Variants in RAB27B observed in about 807,000 individuals in gnomAD.
RAB27B encodes ras-related protein Rab-27B.
In RAB27B, 15 loss-of-function variants were observed where a neutral mutation model predicts 24.6. The observed-to-expected ratio is 0.61, with a 90% CI of 0.41 to 0.94. The LOEUF (loss-of-function observed/expected upper bound fraction) is 0.94. RAB27B is among the 40% of genes least tolerant of loss of function. The pLI is 0.00. For synonymous variants in RAB27B, 105 were observed against 92.5 expected, an observed-to-expected ratio of 1.14 and a Z score of -0.78; for missense variants, 261 against 266.8, an observed-to-expected ratio of 0.98 and a Z score of 0.15.
In RAB27B at chr18:54,891,222, C is replaced by T. The variant is rs1480708301; in HGVS notation, c.*1809C>T. ...CAAGGAAATGTCTCTTTATAATGTT[C>T]TTAGGATGGACTAGACCCATAAATG... On this transcript the variant is annotated 3_prime_UTR_variant, in exon 6 of 6. Coordinates refer to ENST00000262094, the MANE Select transcript of RAB27B (RefSeq NM_004163.4). The T allele has an allele frequency of 6.6e-6, 1 of 152,006 alleles. No homozygotes were observed. The highest frequency in any genetic ancestry group is 2.4e-5 in the African/African-American group (1 of 41,396). 9.4% of individuals were successfully genotyped at this position (152,006 alleles called of 1,614,324 possible).
intron 1 of RAB27B, among the ~76,000 whole-genome samples, chr18:54,836,371 A>T (rs889006838): frequency 5.3e-5 from 8 of 151,836 alleles, no homozygotes. Flanking sequence ...AGACTTATGC[A>T]TGAGGCCAGG....
intron 2 of RAB27B, among the ~76,000 whole-genome samples, chr18:54,754,489 G>A (rs1907941643): frequency 6.6e-6 from 1 of 152,114 alleles, no homozygotes; most frequent in Admixed American, 6.6e-5. Context: ...GGAATTCAAG[G>A]CAAATTGCAA....
chr18:54,753,173 A>G (rs547381094), intron 2 of RAB27B, among the ~76,000 whole-genome samples: 1 of 152,300 alleles, frequency 6.6e-6, no homozygotes, highest in Admixed American at 6.5e-5. Context: ...TATTAAATAC[A>G]TTTGGGGGTC....
chr18:54,785,509 A>T (rs1335547350), intron 2 of RAB27B, among the ~76,000 whole-genome samples: 2 of 148,604 alleles, frequency 1.3e-5, no homozygotes, highest in Non-Finnish European at 3.0e-5. Flanking sequence ...CTTTTAAATA[A>T]TTGATTCCCC....
At chr18:54,779,912 A>G (rs1345518269) in intron 2 of RAB27B, among the ~76,000 whole-genome samples, 3 of 82,686 alleles carry the variant, frequency 3.6e-5, no homozygotes, top group South Asian at 3.9e-4. Context: ...CACCCTCTCT[A>G]CCGTCTCCTG....
At chr18:54,729,599 G>T (rs1026238817) in intron 2 of RAB27B, among the ~76,000 whole-genome samples, 3 of 152,140 alleles carry the variant, frequency 2.0e-5, no homozygotes, top group African/African-American at 7.2e-5. Flanking sequence ...TTCAGACTTT[G>T]TTAAGACAAG....
intron 2 of RAB27B, among the ~76,000 whole-genome samples, chr18:54,766,361 T>C (rs1908362230): frequency 6.6e-6 from 1 of 152,202 alleles, no homozygotes; most frequent in Non-Finnish European, 1.5e-5. Flanking sequence ...GGCAGGCATA[T>C]GCAAAGAGCA....
At chr18:54,846,952 G>A (rs2145210825) in intron 1 of RAB27B, among the ~76,000 whole-genome samples, 1 of 152,238 alleles carries the variant, frequency 6.6e-6, no homozygotes, top group Admixed American at 6.5e-5. Flanking sequence ...CTGGGTTCGA[G>A]CGATTCTCCT....
intron 2 of RAB27B, among the ~76,000 whole-genome samples, chr18:54,754,243 C>T (rs1470218683): frequency 2.0e-5 from 3 of 152,224 alleles, no homozygotes; most frequent in Admixed American, 1.3e-4. Flanking sequence ...CTTGTTCTCT[C>T]TCTCGTCACC....
chr18:54,803,240 T>A (rs1441909697), intron 2 of RAB27B, among the ~76,000 whole-genome samples: 1 of 152,090 alleles, frequency 6.6e-6, no homozygotes. Flanking sequence ...GATAAGGCAG[T>A]AGGAAGTCCT....
At chr18:54,861,841 A>G (rs1346864512) in intron 1 of RAB27B, among the ~76,000 whole-genome samples, 1 of 152,186 alleles carries the variant, frequency 6.6e-6, no homozygotes, top group Admixed American at 6.5e-5. Context: ...TTGGTGACTG[A>G]TCTCAAGGAA....
chr18:54,727,130 T>G (rs993190510), intron 2 of RAB27B, among the ~76,000 whole-genome samples: 1 of 152,182 alleles, frequency 6.6e-6, no homozygotes, highest in African/African-American at 2.4e-5. Context: ...TGTGCCACTA[T>G]GCCCGACTAA....
chr18:54,867,134 A>T (rs1171085315), intron 1 of RAB27B, among the ~76,000 whole-genome samples: 2 of 152,200 alleles, frequency 1.3e-5, no homozygotes, highest in African/African-American at 2.4e-5. Context: ...GTTTAAGTTT[A>T]AAAACTTATT....
At chr18:54,766,642 T>A (rs1444554806) in intron 2 of RAB27B, among the ~76,000 whole-genome samples, 2 of 152,162 alleles carry the variant, frequency 1.3e-5, no homozygotes, top group Non-Finnish European at 2.9e-5. Context: ...CATACCAATC[T>A]GTGAAATATG....
rs1474873396 is a variant in RAB27B, at chr18:54,891,771, G to A, written c.*2358G>A. On this transcript the variant is annotated 3_prime_UTR_variant, in exon 6 of 6. Coordinates refer to ENST00000262094, the MANE Select transcript of RAB27B (RefSeq NM_004163.4). ...AGGGTCTGTTTTAAGATCATTATTT[G>A]ATAGCTGTAGCATGAAGCAGAGGTT... 6.6e-6 allele frequency: 1 copy of A among 152,028 alleles called. No homozygotes were observed. Among genetic ancestry groups the A allele is most frequent in the African/African-American group, 2.4e-5 (1 of 41,396 alleles). 9.4% of individuals were successfully genotyped at this position (152,028 alleles called of 1,614,324 possible). A position where few individuals can be genotyped will look rare whatever the true frequency, so the allele number is the denominator to read the frequency against.
At chr18:54,766,590 T>A (rs984353424) in intron 2 of RAB27B, among the ~76,000 whole-genome samples, 1 of 152,188 alleles carries the variant, frequency 6.6e-6, no homozygotes, top group Non-Finnish European at 1.5e-5. Flanking sequence ...TTTATGTTTC[T>A]GCAATGCAGA....
At chr18:54,872,964 G>T (rs369097112) in intron 1 of RAB27B, among the ~76,000 whole-genome samples, 51 of 152,306 alleles carry the variant, frequency 3.3e-4, no homozygotes, top group African/African-American at 1.2e-3. Flanking sequence ...AACAAAAATA[G>T]CAGGAGCTGA....
At chr18:54,850,698 T>C (rs555050919) in intron 1 of RAB27B, among the ~76,000 whole-genome samples, 1 of 151,832 alleles carries the variant, frequency 6.6e-6, no homozygotes, top group East Asian at 1.9e-4. Flanking sequence ...TGTGTCATGT[T>C]TCATAGCTCG....
chr18:54,890,941 A>G lies in RAB27B; in HGVS notation c.*1528A>G, dbSNP rs1471477306. On this transcript the variant is annotated 3_prime_UTR_variant, in exon 6 of 6. Transcript: ENST00000262094. ...CACAAGCCATTCCTATCAAAATATT[A>G]TTTATTTCAGTCAATTTTACCAAAT... 6.6e-6 allele frequency: 1 copy of G among 151,094 alleles called. No individual in the cohort carries two copies. Among genetic ancestry groups the G allele is most frequent in the Non-Finnish European group, 1.5e-5 (1 of 67,732 alleles). The allele number at this position is 151,094 out of a possible 1,614,324, so 9.4% of individuals were successfully genotyped here. A position where few individuals can be genotyped will look rare whatever the true frequency, so the allele number is the denominator to read the frequency against.
Sources: allele counts gnomAD v4.1 joint callset (sites outside exome capture counted in the v4.1 genomes callset), GRCh38; gene constraint gnomAD v4.1.1; transcripts MANE v1.5; gene names NCBI Gene and HGNC (gene_info 2026-07-23, HGNC 2026-07-21).